ATRNL1: variants seen among roughly 807,000 people sequenced by gnomAD.
ATRNL1 encodes the protein attractin-like protein 1.
A neutral mutation model predicts 182.7 loss-of-function variants in ATRNL1; 95 were observed. The observed-to-expected ratio is 0.52, with a 90% CI of 0.44 to 0.62. The LOEUF (loss-of-function observed/expected upper bound fraction) is 0.62. ATRNL1 is among the 20% of genes least tolerant of loss of function. The pLI, the probability that ATRNL1 is intolerant of heterozygous loss-of-function variation, is 0.00. For synonymous variants in ATRNL1, 576 were observed against 568.3 expected, an observed-to-expected ratio of 1.01 and a Z score of -0.19; for missense variants, 1,471 against 1,679.5, an observed-to-expected ratio of 0.88 and a Z score of 2.17.
intron 17 of ATRNL1, among the ~76,000 whole-genome samples, chr10:115,302,880 A>G (rs1034873774): frequency 2.6e-5 from 4 of 152,174 alleles, no homozygotes; most frequent in Non-Finnish European, 5.9e-5. Context: ...TGCCAATCTT[A>G]GCTAGCTTCT....
At chr10:115,651,179 A>G (rs1555034230) in intron 26 of ATRNL1, among the ~76,000 whole-genome samples, 1 of 152,104 alleles carries the variant, frequency 6.6e-6, no homozygotes, top group Non-Finnish European at 1.5e-5. Flanking sequence ...AAGAAAGTGT[A>G]TGTTTGAAAA....
intron 26 of ATRNL1, among the ~76,000 whole-genome samples, chr10:115,604,927 A>G (rs927999480): frequency 1.3e-5 from 2 of 152,116 alleles, no homozygotes; most frequent in Non-Finnish European, 2.9e-5. Flanking sequence ...TTAAATGAGT[A>G]CTTGAAATAT....
intron 28 of ATRNL1, among the ~76,000 whole-genome samples, chr10:115,893,301 C>T (rs769417394): frequency 1.2e-3 from 187 of 152,050 alleles, no homozygotes; most frequent in Non-Finnish European, 2.2e-3. Flanking sequence ...GATAGTCTAT[C>T]GCTGGGAAGG....
rs576003039 is a variant in ATRNL1 at position 115,860,245 on chromosome 10, G to A, written c.4018+12254G>A. Among the ~76,000 whole-genome samples the A allele has an allele frequency of 1.9e-4, 29 of 152,240 alleles. No individual in the cohort carries two copies. In the South Asian group the frequency reaches 5.6e-3, roughly 29 times the overall value. On this transcript the variant is annotated intron_variant, in intron 28 of 28. Coordinates refer to ENST00000355044, the MANE Select transcript of ATRNL1 (RefSeq NM_207303.4). ...CCTGCTGTCTGATATAATTTGAATT[G>A]AACCTTGAAGCCCCTAAAAATCTGG...
rs1471090079 is a variant in ATRNL1 at position 115,534,257 on chromosome 10, C to G, written c.3716+14933C>G. 4.6e-3 allele frequency among the ~76,000 whole-genome samples: 693 copies of G among 151,284 alleles called. 5 individuals carry two copies. Among genetic ancestry groups the G allele is most frequent in the African/African-American group, 0.016 (658 of 41,214 alleles). The stretch of plus-strand genomic sequence containing the variant: ...GGAGTCTAAGTCTCCTTGCAGGTCA[C>G]TCAGGACTTGCTTTATGAATCTGGG... On this transcript the variant is annotated intron_variant, in intron 25 of 28. Transcript: ENST00000355044.
At chr10:115,719,397 A>G (rs1272652829) in intron 26 of ATRNL1, among the ~76,000 whole-genome samples, 2 of 152,204 alleles carry the variant, frequency 1.3e-5, no homozygotes, top group Non-Finnish European at 2.9e-5. Context: ...TTTGCATGGA[A>G]TATTCATCTT....
At chr10:115,195,689 A>G (rs972356452) in intron 8 of ATRNL1, among the ~76,000 whole-genome samples, 2 of 152,064 alleles carry the variant, frequency 1.3e-5, no homozygotes, top group African/African-American at 4.8e-5. Flanking sequence ...GTTCTCAGTT[A>G]TTATTTCTTT....
chr10:115,632,029 A>G (rs2133833003), intron 26 of ATRNL1, among the ~76,000 whole-genome samples: 1 of 152,280 alleles, frequency 6.6e-6, no homozygotes, highest in South Asian at 2.1e-4. Context: ...TGCTAGCTAA[A>G]AAGGATTCTG....
intron 26 of ATRNL1, among the ~76,000 whole-genome samples, chr10:115,693,219 T>A (rs1038865231): frequency 6.6e-5 from 10 of 152,166 alleles, no homozygotes; most frequent in Non-Finnish European, 1.5e-4. Flanking sequence ...ACCACTTTTT[T>A]AAAAATGTTT....
chr10:115,772,138 A>G (rs1353914097), intron 27 of ATRNL1, among the ~76,000 whole-genome samples: 1 of 152,234 alleles, frequency 6.6e-6, no homozygotes, highest in Admixed American at 6.5e-5. Context: ...CAAAGCTTGC[A>G]ATTTGTGGAA....
Position 115,946,629 on chromosome 10 carries a change from G to C in ATRNL1, c.*1850G>C, listed in dbSNP as rs576298242. 6.6e-6 allele frequency: 1 copy of C among 152,138 alleles called. No individual in the cohort carries two copies. The highest frequency in any genetic ancestry group is 2.4e-5 in the African/African-American group (1 of 41,516). 9.4% of individuals were successfully genotyped at this position (152,138 alleles called of 1,614,324 possible). ...TTTTTGGAGGGGGAGGCCACTGGTT[G>C]TTTCTACTTCCCTGTGATATTTTCT... On this transcript the variant is annotated 3_prime_UTR_variant, in exon 29 of 29. Transcript: ENST00000355044.
Position 115,270,968 on chromosome 10 carries a change from A to G in ATRNL1, c.2100+2524A>G, listed in dbSNP as rs368726174. 1.2e-4 allele frequency among the ~76,000 whole-genome samples: 18 copies of G among 152,146 alleles called. 1 individual carries two copies. Among genetic ancestry groups the G allele is most frequent in the East Asian group, 7.7e-4 (4 of 5,190 alleles). ...TCATAATTCTACCTAACATAATACA[A>G]GTATCCTGTGTACAACTGGAAAACA... On this transcript the variant is annotated intron_variant, in intron 13 of 28. Transcript: ENST00000355044.
intron 27 of ATRNL1, among the ~76,000 whole-genome samples, chr10:115,759,466 C>T (rs868937009): frequency 8.6e-5 from 13 of 152,026 alleles, no homozygotes; most frequent in African/African-American, 2.9e-4. Flanking sequence ...GTCTCCTACC[C>T]ATATTGTCAG....
intron 14 of ATRNL1, among the ~76,000 whole-genome samples, chr10:115,285,832 C>T (rs1190267533): frequency 1.3e-5 from 2 of 152,006 alleles, no homozygotes; most frequent in African/African-American, 2.4e-5. Flanking sequence ...GAAACTGCTT[C>T]TGTTATAAGC....
At chr10:115,918,141 G>T (rs1179933285) in intron 28 of ATRNL1, among the ~76,000 whole-genome samples, 48 of 3,402 alleles carry the variant, frequency 0.014, no homozygotes, top group Non-Finnish European at 0.02. Flanking sequence ...TTGCTCTGTA[G>T]CCCAGGCTGG....
intron 28 of ATRNL1, among the ~76,000 whole-genome samples, chr10:115,917,344 C>T (rs1952894284): frequency 6.6e-6 from 1 of 152,046 alleles, no homozygotes; most frequent in South Asian, 2.1e-4. Context: ...GCGGCGGGCA[C>T]CTGTAGTTCC....
At chr10:115,730,194 T>C (rs987634772) in intron 27 of ATRNL1, among the ~76,000 whole-genome samples, 3 of 136,042 alleles carry the variant, frequency 2.2e-5, no homozygotes, top group Non-Finnish European at 4.5e-5. Flanking sequence ...GAGATGGAAG[T>C]TGCAGTGAGC....
intron 21 of ATRNL1, among the ~76,000 whole-genome samples, chr10:115,446,174 A>G (rs1846976555): frequency 6.6e-6 from 1 of 152,040 alleles, no homozygotes; most frequent in Non-Finnish European, 1.5e-5. Context: ...TCTCTGCTTT[A>G]ACTACATTAG....
chr10:115,830,850 A>G (rs1950543629), intron 27 of ATRNL1, among the ~76,000 whole-genome samples: 1 of 152,104 alleles, frequency 6.6e-6, no homozygotes, highest in South Asian at 2.1e-4. Context: ...CTCTGATGTC[A>G]GCTAATTTCT....
Sources: gnomAD v4.1 joint callset for allele counts (sites outside exome capture counted in the v4.1 genomes callset) on GRCh38, gnomAD v4.1.1 for gene constraint, MANE v1.5 for transcripts, NCBI Gene and HGNC (gene_info 2026-07-23, HGNC 2026-07-21) for gene names.